The following OPTN variants were observed in gnomAD, a reference collection of about 807,000 sequenced individuals.
The protein encoded by OPTN is optineurin, also known as E3-14.7K-interacting protein.
In OPTN, 54 loss-of-function variants were observed where a neutral mutation model predicts 70.4. The ratio of observed to expected loss-of-function variants is 0.77; its 90% CI spans 0.62 to 0.96. The LOEUF (loss-of-function observed/expected upper bound fraction) is 0.96, where lower values mean the gene tolerates loss of function less well. OPTN is among the 40% of genes least tolerant of loss of function. The pLI is 0.00. For missense variants in OPTN, 624 were observed against 673.2 expected, an observed-to-expected ratio of 0.93 and a Z score of 0.81; for synonymous variants, 256 against 248.5, an observed-to-expected ratio of 1.03 and a Z score of -0.28.
intron 14 of OPTN, among the ~76,000 whole-genome samples, chr10:13,134,575 G>C (rs1362881693): frequency 1.3e-5 from 2 of 152,134 alleles, no homozygotes; most frequent in African/African-American, 4.8e-5. Flanking sequence ...TAGGACTACA[G>C]GTGCACGCCA....
intron 1 of OPTN, among the ~76,000 whole-genome samples, chr10:13,101,010 A>C (rs948057230): frequency 6.6e-6 from 1 of 152,244 alleles, no homozygotes; most frequent in African/African-American, 2.4e-5. Flanking sequence ...GGACCTCAGA[A>C]GCCTTTGGAT....
chr10:13,109,384 C>T, intron 3 of OPTN, 96 bp downstream of exon 3: 4 of 1,270,288 alleles, frequency 3.1e-6, no homozygotes, highest in Non-Finnish European at 3.4e-6. Flanking sequence ...TCCCTTCTCC[C>T]CGTTTCCATA....
rs896672755 is a variant in OPTN at position 13,136,856 on chromosome 10, G to C, written c.1724G>C (p.Cys575Ser). 1 of 1,614,168 alleles carries C rather than the reference G, an allele frequency of 6.2e-7. No individual in the cohort carries two copies. Among genetic ancestry groups the C allele is most frequent in the Non-Finnish European group, 8.5e-7 (1 of 1,180,006 alleles). The change falls in exon 15 of 15, where the codon TGC (cysteine) becomes TCC (serine). Residue 575 changes from cysteine (C) to serine (S), a missense_variant. Coordinates refer to ENST00000378747, the MANE Select transcript of OPTN (RefSeq NM_001008212.2). ...IDTLQIHVMD[C>S]II ...ACGTTACAGATTCACGTGATGGATT[G>C]CATCATTTAAGTGTTGATGTATCAC...
rs1418977398 is a variant in OPTN at position 13,136,771 on chromosome 10, C to T, written c.1639C>T (p.Gln547Ter). The T allele has an allele frequency of 6.2e-7, 1 of 1,613,988 alleles. No individual in the cohort carries two copies. The highest frequency in any genetic ancestry group is 1.3e-5 in the African/African-American group (1 of 74,920). The change falls in exon 15 of 15, where the codon CAG (glutamine) becomes TAG (stop). Residue 547 changes from glutamine to a stop codon, truncating the protein, a stop_gained. Transcript: ENST00000378747. LOFTEE classifies it high-confidence loss of function. ...RGAEDRDWRQ[Q>*]RNIPIHSCPK... Reference sequence around the variant, plus strand: ...AGCTGAGGACAGGGACTGGCGGCAACAGCGGAATATTCCGATTCATTCCTG... The same window carrying T: ...AGCTGAGGACAGGGACTGGCGGCAATAGCGGAATATTCCGATTCATTCCTG...
intron 2 of OPTN, among the ~76,000 whole-genome samples, chr10:13,108,600 G>A (rs1193344933): frequency 6.7e-6 from 1 of 150,084 alleles, no homozygotes; most frequent in African/African-American, 2.5e-5. Flanking sequence ...AGGCTGGAGT[G>A]CAGTGGCGCG....
intron 7 of OPTN, 143 bp downstream of exon 7, chr10:13,119,183 T>C (rs907696370): frequency 1.6e-5 from 13 of 797,796 alleles, no homozygotes; most frequent in Non-Finnish European, 2.4e-5. Flanking sequence ...CCACTGTTAC[T>C]ACAATATAAT....
intron 14 of OPTN, among the ~76,000 whole-genome samples, chr10:13,133,792 C>T (rs1406826354): frequency 1.3e-5 from 2 of 152,088 alleles, no homozygotes; most frequent in African/African-American, 2.4e-5. Context: ...AGGTGCCTGG[C>T]ACGGCCACAC....
intron 1 of OPTN, chr10:13,104,634 T>G: frequency 1.5e-6 from 1 of 687,656 alleles, no homozygotes; most frequent in South Asian, 1.4e-5. Context: ...ATTCCAGTAT[T>G]GTTCTGTTGC....
At chr10:13,113,252 C>G (rs1019281304) in intron 5 of OPTN, among the ~76,000 whole-genome samples, 66 of 152,308 alleles carry the variant, frequency 4.3e-4, no homozygotes, top group African/African-American at 1.6e-3. Flanking sequence ...TCTCAAACTC[C>G]TGGCTTCAAG....
chr10:13,104,456 AATTT>A (rs1832820535), intron 1 of OPTN: 1 of 209,960 alleles, frequency 4.8e-6, no homozygotes, highest in Admixed American at 5.6e-5. Flanking sequence ...ACTATTACAA[AATTT>A]ATTTAACAAA....
In OPTN at chr10:13,136,833, G is replaced by C; in HGVS notation, c.1701G>C (p.Thr567=). Residue 567 remains threonine (T), a synonymous_variant, in exon 15 of 15, where the codon ACG becomes ACC. Transcript: ENST00000378747. The stretch of plus-strand genomic sequence containing the variant: ...GAGAGGTTCTGCCTGACATAGACAC[G>C]TTACAGATTCACGTGATGGATTGCA... ...KCGEVLPDID[T]LQIHVMDCII is the part of the protein sequence containing the mutation. The C allele has an allele frequency of 6.2e-7, 1 of 1,614,180 alleles. No homozygotes were observed. The highest frequency in any genetic ancestry group is 8.5e-7 in the Non-Finnish European group (1 of 1,180,040).
intron 3 of OPTN, among the ~76,000 whole-genome samples, chr10:13,110,007 A>G (rs1043165174): frequency 6.6e-6 from 1 of 152,092 alleles, no homozygotes; most frequent in African/African-American, 2.4e-5. Flanking sequence ...GTAACCATAG[A>G]TATTTAGATA....
Position 13,133,144 on chromosome 10 carries a change from G to A in OPTN, c.1533-358G>A, listed in dbSNP as rs11258218. 4.6e-5 allele frequency among the ~76,000 whole-genome samples: 7 copies of A among 152,214 alleles called. No individual in the cohort carries two copies. In the East Asian group the frequency reaches 1.2e-3, roughly 25 times the overall value. The stretch of plus-strand genomic sequence containing the variant: ...TTTAAGTTACAAAATGATCACTGTA[G>A]GTATTGTTCTGCAGCTTACTTTACA... On this transcript the variant is annotated intron_variant, in intron 13 of 14. Transcript: ENST00000378747.
intron 5 of OPTN, among the ~76,000 whole-genome samples, chr10:13,115,494 A>C (rs1249480334): frequency 1.0e-5 from 1 of 98,806 alleles, no homozygotes; most frequent in Non-Finnish European, 1.7e-5. Flanking sequence ...ATTCTATATT[A>C]TATAATATAG....
rs369204213 is a variant in OPTN, at chr10:13,124,038, T to C, written c.926T>C (p.Leu309Pro). The C allele has an allele frequency of 3.1e-6, 5 of 1,613,980 alleles. No individual in the cohort carries two copies. Among genetic ancestry groups the C allele is most frequent in the Non-Finnish European group, 4.2e-6 (5 of 1,179,890 alleles). Residue 309 changes from leucine to proline, a missense_variant, in exon 9 of 15, where the codon CTG becomes CCG. By Grantham distance (98) the Leu-to-Pro change is moderately conservative (BLOSUM62 -3). Transcript: ENST00000378747. Reference sequence around the variant, plus strand: ...GCACTGAACCTCCAGGTGACATCTCTGTTTAAGGAGCTTCAAGAGGCTCAT... The same window carrying C: ...GCACTGAACCTCCAGGTGACATCTCCGTTTAAGGAGCTTCAAGAGGCTCAT... ...VEALNLQVTS[L>P]FKELQEAHTK...
At chr10:13,100,622 G>T (rs1039900515) in intron 1 of OPTN, among the ~76,000 whole-genome samples, 2 of 152,196 alleles carry the variant, frequency 1.3e-5, no homozygotes, top group South Asian at 2.1e-4. Flanking sequence ...ACGTCCTCCC[G>T]CAGGCTGGGA....
At chr10:13,132,272 C>T in intron 13 of OPTN, 75 bp downstream of exon 13, 1 of 1,561,776 alleles carries the variant, frequency 6.4e-7, no homozygotes, top group Non-Finnish European at 8.8e-7. Context: ...CAAAGACGTT[C>T]CTGATTTGAA....
chr10:13,129,078 TTTG>T (rs1833535688), intron 12 of OPTN, among the ~76,000 whole-genome samples: 1 of 152,102 alleles, frequency 6.6e-6, no homozygotes, highest in Non-Finnish European at 1.5e-5. Context: ...TTCTAAAAAT[TTTG>T]TTGTCTTACC....
chr10:13,123,712 T>A (rs775084439), intron 8 of OPTN, among the ~76,000 whole-genome samples: 8 of 152,238 alleles, frequency 5.3e-5, no homozygotes, highest in Non-Finnish European at 1.2e-4. Context: ...GAACCTGGAA[T>A]AGGGTTCATT....
Sources: allele counts gnomAD v4.1 joint callset (sites outside exome capture counted in the v4.1 genomes callset), GRCh38; gene constraint gnomAD v4.1.1; transcripts MANE v1.5; gene names NCBI Gene and HGNC (gene_info 2026-07-23, HGNC 2026-07-21).